Variants in TNRC6C observed in about 807,000 individuals in gnomAD.
TNRC6C encodes the protein trinucleotide repeat-containing gene 6C protein.
A neutral mutation model predicts 153.7 loss-of-function variants in TNRC6C; 20 were observed. The ratio of observed to expected loss-of-function variants is 0.13; its 90% CI spans 0.09 to 0.19. TNRC6C has a LOEUF of 0.19. Ranked by LOEUF, TNRC6C falls within the 10% of genes least tolerant of loss-of-function variation. The pLI is 1.00. For missense variants in TNRC6C, 1,987 were observed against 2,172.0 expected, an observed-to-expected ratio of 0.91 and a Z score of 1.69; for synonymous variants, 811 against 841.4, an observed-to-expected ratio of 0.96 and a Z score of 0.63.
chr17:78,046,849 C>T (rs990307681), intron 2 of TNRC6C, among the ~76,000 whole-genome samples: 1 of 152,190 alleles, frequency 6.6e-6, no homozygotes, highest in Non-Finnish European at 1.5e-5. Flanking sequence ...TTCTTTCAAA[C>T]GTGTCATATA....
Position 78,079,578 on chromosome 17 carries a change from T to C in TNRC6C, c.3357+37T>C, listed in dbSNP as rs758472311. 1 of 1,603,184 alleles carries C rather than the reference T, an allele frequency of 6.2e-7. No homozygotes were observed. Among genetic ancestry groups the C allele is most frequent in the Admixed American group, 1.7e-5 (1 of 59,646 alleles). ...ATCCAAGCAGGACTGAGCAACAGGATATAGATGCCAGTGTTTCGTGGGGTC... is the reference window on the plus strand; with the variant it reads ...ATCCAAGCAGGACTGAGCAACAGGACATAGATGCCAGTGTTTCGTGGGGTC... On this transcript the variant is annotated intron_variant, in intron 10 of 19. Transcript: ENST00000301624. This position sits in a 1 kb window ranked among gnomAD's most constrained non-coding sequence, Gnocchi z 4.3.
chr17:77,967,237 C>T (rs906072699), intron 1 of TNRC6C, among the ~76,000 whole-genome samples: 1 of 151,530 alleles, frequency 6.6e-6, no homozygotes, highest in Admixed American at 6.6e-5. Context: ...TAATGCTTTG[C>T]AAAAAAAACT....
exon 3 of TNRC6C, chr17:78,051,125 C>A (rs981201713): frequency 2.5e-6 from 4 of 1,584,292 alleles, no homozygotes; most frequent in Non-Finnish European, 1.7e-6. Flanking sequence ...GTGAAACAGA[C>A]AGGAACAGGG....
intron 1 of TNRC6C, among the ~76,000 whole-genome samples, chr17:77,972,489 A>G (rs570141386): frequency 1.3e-5 from 2 of 151,750 alleles, no homozygotes; most frequent in South Asian, 2.1e-4. Flanking sequence ...TCCAGCCTGG[A>G]AGACAGAGCA....
At chr17:78,084,428 T>G (rs1002246429) in intron 11 of TNRC6C, among the ~76,000 whole-genome samples, 1 of 151,974 alleles carries the variant, frequency 6.6e-6, no homozygotes, top group Non-Finnish European at 1.5e-5. Context: ...CCTTTGCTGT[T>G]TTTTAGACAC....
intron 1 of TNRC6C, among the ~76,000 whole-genome samples, chr17:78,007,622 A>G (rs2071545108): frequency 6.6e-6 from 1 of 152,246 alleles, no homozygotes; most frequent in Non-Finnish European, 1.5e-5. Flanking sequence ...GGCAGGGGCC[A>G]CATTTGCCAC....
upstream of TNRC6C, among the ~76,000 whole-genome samples, chr17:78,000,737 G>A (rs2071401168): frequency 6.6e-6 from 1 of 150,584 alleles, no homozygotes; most frequent in Admixed American, 6.7e-5. Flanking sequence ...AACTAAGGAC[G>A]AGAAACATTT....
At chr17:78,065,358 G>GAAAA (rs1228780510) in intron 4 of TNRC6C, among the ~76,000 whole-genome samples, 8 of 139,754 alleles carry the variant, frequency 5.7e-5, no homozygotes, top group Admixed American at 4.3e-4. Flanking sequence ...CTTTAAAAAG[G>GAAAA]AAAAAAAAAA....
upstream of TNRC6C, among the ~76,000 whole-genome samples, chr17:77,959,083 G>GCGCCGCCGCCGCAGCCGC (rs1270291951): frequency 1.4e-5 from 2 of 142,166 alleles, no homozygotes; most frequent in South Asian, 2.1e-4. Flanking sequence ...CCACTCGCCC[G>GCGCCGCCGCCGCAGCCGC]CGCCGCCGCC....
chr17:78,091,641 A>C, intron 14 of TNRC6C, 34 bp downstream of exon 16: 1 of 1,422,872 alleles, frequency 7.0e-7, no homozygotes, highest in Admixed American at 3.0e-5. Context: ...TGGTGGGATC[A>C]CTGCTGGCTT....
chr17:78,052,895 C>A (rs1280715741), intron 3 of TNRC6C, among the ~76,000 whole-genome samples: 6 of 152,274 alleles, frequency 3.9e-5, no homozygotes, highest in African/African-American at 1.4e-4. Flanking sequence ...GCACCTAGTC[C>A]CACAAATGTG....
At chr17:78,043,270 C>T (rs1434858194) in intron 2 of TNRC6C, among the ~76,000 whole-genome samples, 5 of 152,228 alleles carry the variant, frequency 3.3e-5, no homozygotes, top group Admixed American at 3.3e-4. Context: ...AGAAGATGTA[C>T]CAGGCCACAG....
chr17:77,993,986 C>T (rs1016543803), intron 1 of TNRC6C, among the ~76,000 whole-genome samples: 4 of 151,954 alleles, frequency 2.6e-5, no homozygotes, highest in African/African-American at 7.3e-5. Context: ...TGAGGTCAGG[C>T]GTTTGAGCCC....
chr17:78,089,595 G>A (rs546630832), intron 13 of TNRC6C, among the ~76,000 whole-genome samples: 5 of 152,172 alleles, frequency 3.3e-5, no homozygotes, highest in South Asian at 2.1e-4. Flanking sequence ...TCAGCCTGTC[G>A]TTGTTATTCT....
At chr17:78,044,439 G>C (rs1234580498) in intron 2 of TNRC6C, among the ~76,000 whole-genome samples, 1 of 152,200 alleles carries the variant, frequency 6.6e-6, no homozygotes, top group Non-Finnish European at 1.5e-5. Flanking sequence ...AATAGAGCCA[G>C]AATAGGTACG....
intron 2 of TNRC6C, 97 bp downstream of exon 4, chr17:78,031,939 T>C: frequency 9.6e-7 from 1 of 1,040,796 alleles, no homozygotes; most frequent in South Asian, 5.0e-5. Context: ...TTTTGGTCCA[T>C]ACTCACAACA....
chr17:78,028,930 G>C (rs1365507139), intron 1 of TNRC6C, among the ~76,000 whole-genome samples: 1 of 152,202 alleles, frequency 6.6e-6, no homozygotes, highest in Non-Finnish European at 1.5e-5. Context: ...GCCGACTCTT[G>C]CACTTTACAT....
chr17:78,083,240 G>C, intron 11 of TNRC6C, 74 bp downstream of exon 13: 1 of 1,591,400 alleles, frequency 6.3e-7, no homozygotes, highest in South Asian at 1.1e-5. Context: ...GAGAGCAGCA[G>C]TTGTGATAAT....
intron 17 of TNRC6C, among the ~76,000 whole-genome samples, chr17:78,100,064 G>A (rs1294073362): frequency 1.3e-5 from 2 of 152,218 alleles, no homozygotes; most frequent in Non-Finnish European, 2.9e-5. Flanking sequence ...TTAGGCAAGA[G>A]GTTGGTTACC....
Sources: allele counts gnomAD v4.1 joint callset (sites outside exome capture counted in the v4.1 genomes callset), GRCh38; gene constraint gnomAD v4.1.1; non-coding constraint Gnocchi (gnomAD v3.1); transcripts MANE v1.5; gene names NCBI Gene and HGNC (gene_info 2026-07-23, HGNC 2026-07-21).